Variants in STXBP5L observed in about 807,000 individuals in gnomAD.
The protein encoded by STXBP5L is syntaxin-binding protein 5-like.
STXBP5L carries 65 observed loss-of-function variants against 144.5 expected under a neutral mutation model. The ratio of observed to expected loss-of-function variants is 0.45; its 90% CI spans 0.37 to 0.55. STXBP5L has a LOEUF of 0.55. Ranked by LOEUF, STXBP5L falls within the 20% of genes least tolerant of loss-of-function variation. The probability of loss-of-function intolerance (pLI) is 0.00; values close to 1 mark genes in which losing one functional copy is unlikely to be tolerated. For missense variants in STXBP5L, 1,298 were observed against 1,405.5 expected, an observed-to-expected ratio of 0.92 and a Z score of 1.22; for synonymous variants, 505 against 469.6, an observed-to-expected ratio of 1.08 and a Z score of -0.97.
chr3:121,152,381 T>A, intron 7 of STXBP5L, 96 bp from the exon 8 acceptor site: 1 of 854,132 alleles, frequency 1.2e-6, no homozygotes, highest in Non-Finnish European at 1.8e-6. Flanking sequence ...AAGGATGTTA[T>A]GTGGTATGAT....
chr3:121,278,818 T>A (rs1286520479), intron 18 of STXBP5L, among the ~76,000 whole-genome samples: 1 of 151,668 alleles, frequency 6.6e-6, no homozygotes, highest in Non-Finnish European at 1.5e-5. Context: ...CTGACCAGTA[T>A]AACAATACTT....
intron 5 of STXBP5L, among the ~76,000 whole-genome samples, chr3:121,070,873 TATA>T (rs1403786655): frequency 6.6e-6 from 1 of 152,330 alleles, no homozygotes; most frequent in East Asian, 1.9e-4. Flanking sequence ...GGGGTTGGTA[TATA>T]ATGGCATTAG....
intron 19 of STXBP5L, among the ~76,000 whole-genome samples, chr3:121,299,452 G>A (rs548632658): frequency 1.3e-5 from 2 of 152,136 alleles, no homozygotes; most frequent in African/African-American, 4.8e-5. Context: ...GAATAAAAAG[G>A]CATTCCTTTC....
At chr3:120,968,265 T>C (rs976369556) in intron 3 of STXBP5L, among the ~76,000 whole-genome samples, 1 of 152,198 alleles carries the variant, frequency 6.6e-6, no homozygotes, top group African/African-American at 2.4e-5. Flanking sequence ...ATATTTGTCT[T>C]TTATATTTGG....
At chr3:121,228,614 T>C (rs966299606) in intron 11 of STXBP5L, among the ~76,000 whole-genome samples, 3 of 152,176 alleles carry the variant, frequency 2.0e-5, no homozygotes, top group Non-Finnish European at 2.9e-5. Flanking sequence ...CAGTGGCTCA[T>C]GCCTGTAATC....
chr3:121,038,771 G>T (rs1946938152), intron 3 of STXBP5L, among the ~76,000 whole-genome samples: 1 of 151,670 alleles, frequency 6.6e-6, no homozygotes. Context: ...TTTAAGCTCT[G>T]TAATTAGGTG....
chr3:121,109,866 GA>G (rs1162431911), intron 5 of STXBP5L, among the ~76,000 whole-genome samples: 1 of 152,142 alleles, frequency 6.6e-6, no homozygotes. Context: ...AGGTTTCTAA[GA>G]ACTTGTTTTA....
intron 22 of STXBP5L, among the ~76,000 whole-genome samples, chr3:121,390,312 G>T (rs1484384332): frequency 1.3e-5 from 2 of 152,134 alleles, no homozygotes; most frequent in African/African-American, 2.4e-5. Flanking sequence ...CCTGAATACA[G>T]TACACTGATG....
At chr3:121,185,928 A>T (rs948760499) in intron 9 of STXBP5L, among the ~76,000 whole-genome samples, 2 of 152,184 alleles carry the variant, frequency 1.3e-5, no homozygotes, top group East Asian at 1.9e-4. Context: ...CCTACCCATG[A>T]TCATAGAATG....
chr3:121,018,542 A>G (rs1250308590), intron 3 of STXBP5L, among the ~76,000 whole-genome samples: 1 of 148,872 alleles, frequency 6.7e-6, no homozygotes, highest in Non-Finnish European at 1.5e-5. Context: ...AAAAAAAAAA[A>G]AAATGCAGAC....
intron 5 of STXBP5L, chr3:121,099,523 T>C (rs2043305668): frequency 6.6e-6 from 1 of 152,476 alleles, no homozygotes; most frequent in Non-Finnish European, 1.5e-5. Context: ...CAGGAAGAAA[T>C]TGAAACCCTG....
chr3:121,089,907 T>C (rs2042694627), intron 5 of STXBP5L, among the ~76,000 whole-genome samples: 2 of 152,116 alleles, frequency 1.3e-5, no homozygotes, highest in Admixed American at 6.6e-5. Flanking sequence ...TTTTAAGTAG[T>C]AAAATTTGTA....
intron 5 of STXBP5L, among the ~76,000 whole-genome samples, chr3:121,081,561 G>A (rs1463469748): frequency 6.6e-6 from 1 of 152,040 alleles, no homozygotes; most frequent in Non-Finnish European, 1.5e-5. Context: ...CTGTCTCCTA[G>A]GGGGTTAGAA....
Position 121,109,135 on chromosome 3 carries a change from C to T in STXBP5L, c.471-5790C>T, listed in dbSNP as rs74530127. 6.0e-3 allele frequency among the ~76,000 whole-genome samples: 907 copies of T among 152,124 alleles called. 7 individuals are homozygous for T. The highest frequency in any genetic ancestry group is 0.02 in the African/African-American group (834 of 41,522). ...TATTGTATCAATTTGATTCTTCCGT[C>T]TTTATTAGTCTAGGTAGCGGTCTAT... On this transcript the variant is annotated intron_variant, in intron 5 of 26. Coordinates refer to ENST00000471454, the MANE Select transcript of STXBP5L (RefSeq NM_001308330.2).
intron 3 of STXBP5L, among the ~76,000 whole-genome samples, chr3:120,974,129 A>G (rs946432049): frequency 2.4e-4 from 37 of 152,174 alleles, no homozygotes; most frequent in African/African-American, 8.9e-4. Context: ...TAACTTCCAC[A>G]ATGGTTGAAC....
Position 121,079,397 on chromosome 3 carries a change from C to A in STXBP5L, c.470+33862C>A, listed in dbSNP as rs140456697. The stretch of plus-strand genomic sequence containing the variant: ...ACTCACTGGGCCTGTAATAAACTTT[C>A]AGGAATGTGGAGTTGTGGAGTATAG... On this transcript the variant is annotated intron_variant, in intron 5 of 26. Transcript: ENST00000471454. Among the ~76,000 whole-genome samples, 59 of 152,320 alleles carry A rather than the reference C, an allele frequency of 3.9e-4. 1 individual carries two copies. The highest frequency in any genetic ancestry group is 9.8e-4 in the Admixed American group (15 of 15,304).
At chr3:121,341,731 G>A (rs1391734848) in intron 20 of STXBP5L, among the ~76,000 whole-genome samples, 5 of 151,988 alleles carry the variant, frequency 3.3e-5, no homozygotes, top group African/African-American at 4.8e-5. Flanking sequence ...TGGAACTGGG[G>A]GTAATTATGT....
intron 9 of STXBP5L, among the ~76,000 whole-genome samples, chr3:121,173,936 T>A (rs1331988167): frequency 3.3e-5 from 5 of 152,056 alleles, no homozygotes; most frequent in Non-Finnish European, 7.4e-5. Context: ...GTTTTTGATA[T>A]TGCACTAAAC....
chr3:121,035,765 A>G (rs1307798736), intron 3 of STXBP5L, among the ~76,000 whole-genome samples: 1 of 152,132 alleles, frequency 6.6e-6, no homozygotes, highest in Non-Finnish European at 1.5e-5. Flanking sequence ...TTTGATAGAA[A>G]TTGCATTGAA....
Sources: allele counts gnomAD v4.1 joint callset (sites outside exome capture counted in the v4.1 genomes callset), GRCh38; gene constraint gnomAD v4.1.1; transcripts MANE v1.5; gene names NCBI Gene and HGNC (gene_info 2026-07-23, HGNC 2026-07-21).